Variants in NAALAD2 observed in about 807,000 individuals in gnomAD.
NAALAD2 encodes N-acetylated alpha-linked acidic dipeptidase 2, also known as N-acetylated-alpha-linked acidic dipeptidase 2.
In NAALAD2, 89 loss-of-function variants were observed where a neutral mutation model predicts 95.6. The observed-to-expected ratio is 0.93, with a 90% CI of 0.78 to 1.11. The LOEUF is 1.11. NAALAD2 is among the 50% of genes least tolerant of loss of function. NAALAD2 has a pLI of 0.00. For missense variants in NAALAD2, 894 were observed against 872.4 expected, an observed-to-expected ratio of 1.02 and a Z score of -0.31; for synonymous variants, 264 against 294.4, an observed-to-expected ratio of 0.90 and a Z score of 1.06.
Position 90,177,948 on chromosome 11 carries a change from A to G in NAALAD2, c.1689A>G (p.Gln563=), listed in dbSNP as rs755594884. Residue 563 remains glutamine, a synonymous_variant, in exon 16 of 19, where the codon CAA becomes CAG. Coordinates refer to ENST00000534061, the MANE Select transcript of NAALAD2 (RefSeq NM_005467.4). ...TTTATGACCCCACATTTAAAAAACA[A>G]CTTTCTGTGGCTCAATTACGAGGAG... ...EKFYDPTFKK[Q]LSVAQLRGAL... 1.2e-5 allele frequency: 19 copies of G among 1,613,796 alleles called. No individual in the cohort carries two copies. In the South Asian group the frequency reaches 1.8e-4, roughly 15 times the overall value.
intron 8 of NAALAD2, among the ~76,000 whole-genome samples, chr11:90,161,851 A>G (rs1435240419): frequency 6.6e-6 from 1 of 152,100 alleles, no homozygotes; most frequent in African/African-American, 2.4e-5. Context: ...ATGCTAAACA[A>G]TATTTCTGCT....
At chr11:90,155,405 TAATGTAATATTACATATTA>T (rs1952051832) in intron 6 of NAALAD2, among the ~76,000 whole-genome samples, 2 of 85,400 alleles carry the variant, frequency 2.3e-5, no homozygotes, top group Non-Finnish European at 4.1e-5. Context: ...ATAATATATA[TAATGTAATATTACATATTA>T]TACATGTAAT....
intron 6 of NAALAD2, among the ~76,000 whole-genome samples, chr11:90,154,596 G>C (rs988134318): frequency 1.3e-5 from 2 of 151,398 alleles, no homozygotes; most frequent in Non-Finnish European, 3.0e-5. Context: ...TTAGTTTCTT[G>C]TAATATCTTT....
chr11:90,159,363 T>C (rs1952218474), intron 8 of NAALAD2, 26 bp downstream of exon 8: 1 of 1,515,294 alleles, frequency 6.6e-7, no homozygotes, highest in African/African-American at 1.4e-5. Flanking sequence ...TTTAATAGTC[T>C]GAAAAAGTTT....
chr11:90,152,452 G>A lies in NAALAD2; in HGVS notation c.764G>A (p.Gly255Asp). The change falls in exon 6 of 19, where the codon GGT becomes GAT. Residue 255 changes from glycine (G) to aspartate (D), a missense_variant. Transcript: ENST00000534061. ...RGNVLNLNGA[G>D]DPLTPGYPAK... ...AATGTGTTAAATTTGAATGGTGCTG[G>A]TGACCCACTCACTCCAGGCTATCCA... is the stretch of plus-strand genomic sequence containing the variant. The A allele has an allele frequency of 6.2e-7, 1 of 1,613,398 alleles. No individual in the cohort carries two copies. The highest frequency in any genetic ancestry group is 8.5e-7 in the Non-Finnish European group (1 of 1,179,534).
At chr11:90,174,509 A>G (rs376576440) in intron 14 of NAALAD2, among the ~76,000 whole-genome samples, 4 of 152,116 alleles carry the variant, frequency 2.6e-5, no homozygotes, top group Admixed American at 6.6e-5. Context: ...TTTCATTTAC[A>G]TATGTATTAG....
chr11:90,169,794 A>G, intron 12 of NAALAD2: 1 of 366,376 alleles, frequency 2.7e-6, no homozygotes, highest in South Asian at 4.0e-5. Flanking sequence ...AGTGCCCCTA[A>G]GAATTGCTGC....
intron 6 of NAALAD2, among the ~76,000 whole-genome samples, chr11:90,154,923 A>ATG (rs1449329577): frequency 1.5e-5 from 1 of 65,794 alleles, no homozygotes; most frequent in Non-Finnish European, 2.9e-5. Context: ...TGTATATATT[A>ATG]TATACGTATA....
rs1857009151 is a variant in NAALAD2, at chr11:90,182,971, A to G, written c.1996A>G (p.Ile666Val). Residue 666 changes from isoleucine to valine, a missense_variant, in exon 18 of 19, where the codon ATC becomes GTC. Transcript: ENST00000534061. ...DQLMLLERAF[I>V]DPLGLPGKLF... ...ACTGATGCTCCTGGAAAGAGCATTC[A>G]TCGATCCTCTTGGTTTACCAGGAAA... 1.9e-6 allele frequency: 3 copies of G among 1,612,916 alleles called. No individual in the cohort carries two copies. The highest frequency in any genetic ancestry group is 2.5e-6 in the Non-Finnish European group (3 of 1,179,180).
intron 2 of NAALAD2, 42 bp from the exon 3 acceptor site, chr11:90,147,288 G>A (rs1262056638): frequency 1.3e-6 from 2 of 1,492,722 alleles, no homozygotes; most frequent in South Asian, 2.3e-5. Flanking sequence ...CATCGTCTGA[G>A]CATAGTCTTT....
At chr11:90,184,254 G>A (rs1350764888) in intron 18 of NAALAD2, among the ~76,000 whole-genome samples, 3 of 152,112 alleles carry the variant, frequency 2.0e-5, no homozygotes, top group Admixed American at 2.0e-4. Context: ...ACAAGCATAC[G>A]CTTTTAGAAC....
intron 2 of NAALAD2, among the ~76,000 whole-genome samples, chr11:90,141,361 G>A (rs1951608990): frequency 6.6e-6 from 1 of 152,148 alleles, no homozygotes; most frequent in Non-Finnish European, 1.5e-5. Context: ...TTACATGAAC[G>A]TGGTATGTTT....
At chr11:90,150,419 T>G in intron 4 of NAALAD2, 63 bp from the exon 5 acceptor site, 1 of 1,174,552 alleles carries the variant, frequency 8.5e-7, no homozygotes, top group Non-Finnish European at 1.2e-6. Flanking sequence ...GAAGCAAACT[T>G]ATTTTTTGTT....
chr11:90,187,858 A>G (rs184451561), intron 18 of NAALAD2, among the ~76,000 whole-genome samples: 80 of 152,328 alleles, frequency 5.3e-4, no homozygotes, highest in African/African-American at 1.8e-3. Context: ...GTATGTATGT[A>G]TAGCCATTAT....
chr11:90,189,585 A>G (rs1248605355), intron 18 of NAALAD2, among the ~76,000 whole-genome samples: 1 of 152,134 alleles, frequency 6.6e-6, no homozygotes, highest in Non-Finnish European at 1.5e-5. Context: ...CCTGGCCAAC[A>G]TGGTGAAACC....
Position 90,161,137 on chromosome 11 carries a change from G to T in NAALAD2, c.989+1800G>T, listed in dbSNP as rs1952284349. Among the ~76,000 whole-genome samples, 3 of 152,154 alleles carry T rather than the reference G, an allele frequency of 2.0e-5. No homozygotes were observed. The South Asian group carries it at 6.2e-4, about 32-fold the overall frequency. ...TAGAATTTACATATGAGAGCCAAAAGAAGATATGAAGAATTGGTTTAAGCT... is the reference window on the plus strand; with the variant it reads ...TAGAATTTACATATGAGAGCCAAAATAAGATATGAAGAATTGGTTTAAGCT... On this transcript the variant is annotated intron_variant, in intron 8 of 18. Coordinates refer to ENST00000534061, the MANE Select transcript of NAALAD2 (RefSeq NM_005467.4).
Position 90,159,099 on chromosome 11 carries a change from G to A in NAALAD2, c.891-140G>A, listed in dbSNP as rs370604951. The A allele has an allele frequency of 5.0e-4, 330 of 665,438 alleles. 1 individual carries two copies. The highest frequency in any genetic ancestry group is 7.4e-4 in the Non-Finnish European group (281 of 381,928). 41.2% of individuals were successfully genotyped at this position (665,438 alleles called of 1,614,324 possible). A position where few individuals can be genotyped will look rare whatever the true frequency, so the allele number is the denominator to read the frequency against. ...CTAGAAAATAAGCTCCACAAAGGGC[G>A]GGCTTTTTGACAGTACCTGGCACTT... is the stretch of plus-strand genomic sequence containing the variant. On this transcript the variant is annotated intron_variant, in intron 7 of 18. Coordinates refer to ENST00000534061, the MANE Select transcript of NAALAD2 (RefSeq NM_005467.4).
rs77832007 is a variant in NAALAD2 at position 90,190,964 on chromosome 11, T to C, written c.2034-594T>C. 3.0e-3 allele frequency among the ~76,000 whole-genome samples: 453 copies of C among 152,244 alleles called. 4 individuals carry two copies. The highest frequency in any genetic ancestry group is 0.01 in the African/African-American group (427 of 41,564). ...AGCTTGATCCCTTGAGCTACTTATGTTGAAGTAGAAAAGCAACTATAAAAC... is the reference window on the plus strand; with the variant it reads ...AGCTTGATCCCTTGAGCTACTTATGCTGAAGTAGAAAAGCAACTATAAAAC... On this transcript the variant is annotated intron_variant, in intron 18 of 18. Coordinates refer to ENST00000534061, the MANE Select transcript of NAALAD2 (RefSeq NM_005467.4).
intron 14 of NAALAD2, 74 bp downstream of exon 14, chr11:90,173,989 C>G: frequency 9.9e-7 from 1 of 1,009,464 alleles, no homozygotes; most frequent in Non-Finnish European, 1.5e-6. Context: ...TTTCTCCAAG[C>G]ATGAAATTCT....
Sources: gnomAD v4.1 joint callset for allele counts (sites outside exome capture counted in the v4.1 genomes callset) on GRCh38, gnomAD v4.1.1 for gene constraint, MANE v1.5 for transcripts, NCBI Gene and HGNC (gene_info 2026-07-23, HGNC 2026-07-21) for gene names.